Variants in CNTN2 observed in about 807,000 individuals in gnomAD.
CNTN2 encodes the protein contactin 2, also known as contactin-2.
Under a neutral mutation model 117.5 loss-of-function variants are expected in CNTN2, and 53 were observed. The observed-to-expected ratio is 0.45, with a 90% CI of 0.36 to 0.57. CNTN2 has a LOEUF of 0.57. Among genes scored for constraint, CNTN2 ranks in the 20% least tolerant of loss-of-function variants. The pLI is 0.00. For missense variants in CNTN2, 1,106 were observed against 1,404.3 expected (o/e 0.79, Z 3.39); for synonymous variants, 530 against 561.7 (o/e 0.94, Z 0.80).
intron 1 of CNTN2, among the ~76,000 whole-genome samples, 152 bp from the exon 2 acceptor site, chr1:205,052,948 A>T (rs2151185681): frequency 6.6e-6 from 1 of 152,304 alleles, no homozygotes; most frequent in African/African-American, 2.4e-5. Context: ...GTAATAGCCA[A>T]GCCCCTTCCT....
In CNTN2 at chr1:205,073,727, G is replaced by A. The variant is rs139534426; in HGVS notation, c.3085G>A (p.Val1029Met). Residue 1029 changes from valine to methionine, a missense_variant, in exon 23 of 23, where the codon GTG (valine) becomes ATG (methionine). Coordinates refer to ENST00000331830, the MANE Select transcript of CNTN2 (RefSeq NM_005076.5). The surrounding 1 kb of genome is among the most constrained non-coding windows in gnomAD (Gnocchi z 6.3). ...CCCTGGCACCGTCATTTCCCACTCCGTGGCGATGCTGATCCTCATAGGCTC... is the reference window on the plus strand; with the variant it reads ...CCCTGGCACCGTCATTTCCCACTCCATGGCGATGCTGATCCTCATAGGCTC... Reference protein sequence around the residue: ...PHPGTVISHSVAMLILIGSLE... With the variant: ...PHPGTVISHSMAMLILIGSLE... 159 of 1,614,006 alleles carry A rather than the reference G, an allele frequency of 9.9e-5. No homozygotes were observed. In the African/African-American group the frequency reaches 1.7e-3, roughly 17 times the overall value.
rs1050831955 is a variant in CNTN2 at position 205,061,737 on chromosome 1, C to T, written c.974-128C>T. 1.6e-6 allele frequency: 2 copies of T among 1,231,570 alleles called. No homozygotes were observed. Among genetic ancestry groups the T allele is most frequent in the African/African-American group, 1.5e-5 (1 of 65,166 alleles). 76.3% of individuals were successfully genotyped at this position (1,231,570 alleles called of 1,614,324 possible). On this transcript the variant is annotated intron_variant, in intron 8 of 22. Coordinates refer to ENST00000331830, the MANE Select transcript of CNTN2 (RefSeq NM_005076.5). This position sits in a 1 kb window ranked among gnomAD's most constrained non-coding sequence, Gnocchi z 4.8. ...CCGGCCCCCTCCTCTTTGTCCTCTCCATCTCAGAATGCTCATGGCGCCCTC... is the reference window on the plus strand; with the variant it reads ...CCGGCCCCCTCCTCTTTGTCCTCTCTATCTCAGAATGCTCATGGCGCCCTC...
In CNTN2 at chr1:205,076,289, A is replaced by C. The variant is rs746865817; in HGVS notation, c.*2524A>C. The C allele has an allele frequency of 3.3e-5, 5 of 152,228 alleles. No individual in the cohort carries two copies. Among genetic ancestry groups the C allele is most frequent in the Non-Finnish European group, 7.3e-5 (5 of 68,038 alleles). 9.4% of individuals were successfully genotyped at this position (152,228 alleles called of 1,614,324 possible). On this transcript the variant is annotated 3_prime_UTR_variant, in exon 23 of 23. Coordinates refer to ENST00000331830, the MANE Select transcript of CNTN2 (RefSeq NM_005076.5). ...TGAGATTTCAGGTAGAGTACTGACTAAGGTTTAATAAGACAATAGGTGACC... is the reference window on the plus strand; with the variant it reads ...TGAGATTTCAGGTAGAGTACTGACTCAGGTTTAATAAGACAATAGGTGACC...
chr1:205,046,320 A>G (rs1213866672), intron 1 of CNTN2, among the ~76,000 whole-genome samples: 2 of 152,158 alleles, frequency 1.3e-5, no homozygotes, highest in African/African-American at 2.4e-5. Flanking sequence ...CTTTTTACCT[A>G]ATGAGACATT....
Position 205,070,007 on chromosome 1 carries a change from C to T in CNTN2, c.2377C>T (p.Arg793Cys), listed in dbSNP as rs1477916385. 1 of 1,613,814 alleles carries T rather than the reference C, an allele frequency of 6.2e-7. No homozygotes were observed. Among genetic ancestry groups the T allele is most frequent in the East Asian group, 2.2e-5 (1 of 44,880 alleles). ...PFEVKIRSYN[R>C]RGDGPESLTA... The stretch of plus-strand genomic sequence containing the variant: ...TGAGGTCAAGATCCGCAGCTACAAC[C>T]GCCGCGGGGATGGGCCCGAGAGCCT... The change falls in exon 18 of 23, where the codon CGC becomes TGC. Residue 793 changes from arginine (R) to cysteine (C), a missense_variant. Transcript: ENST00000331830.
intron 2 of CNTN2, among the ~76,000 whole-genome samples, chr1:205,055,525 C>G (rs1283626699): frequency 6.6e-6 from 1 of 152,164 alleles, no homozygotes; most frequent in African/African-American, 2.4e-5. Flanking sequence ...GCTCTCATAT[C>G]CCAGCCTCCC....
chr1:205,046,972 A>G (rs1273153738), intron 1 of CNTN2, among the ~76,000 whole-genome samples: 1 of 152,116 alleles, frequency 6.6e-6, no homozygotes, highest in Non-Finnish European at 1.5e-5. Flanking sequence ...CAAAGACTCT[A>G]GGCTCAGATC....
chr1:205,063,406 T>A (rs1020472753), intron 10 of CNTN2: 1 of 152,038 alleles, frequency 6.6e-6, no homozygotes, highest in Middle Eastern at 3.2e-3. Context: ...GGTGAGTGGA[T>A]CTCCTCAAGC....
At position 205,069,573 on chromosome 1, in the gene CNTN2, G is replaced by A; in HGVS notation, c.2196+12G>A. 3 of 1,611,508 alleles carry A rather than the reference G, an allele frequency of 1.9e-6. No individual in the cohort carries two copies. Among genetic ancestry groups the A allele is most frequent in the Non-Finnish European group, 2.5e-6 (3 of 1,179,832 alleles). Reference sequence around the variant, plus strand: ...TCGTCAACTGGACGGTAAGCTGCAAGGGTCAGATGTCCTCCTCCTCCTCCC... The same window carrying A: ...TCGTCAACTGGACGGTAAGCTGCAAAGGTCAGATGTCCTCCTCCTCCTCCC... On this transcript the variant is annotated intron_variant, in intron 17 of 22. Transcript: ENST00000331830.
chr1:205,062,706 T>A, intron 10 of CNTN2, 137 bp downstream of exon 10: 1 of 993,854 alleles, frequency 1.0e-6, no homozygotes, highest in Non-Finnish European at 1.4e-6. Context: ...AGTTTCTAAG[T>A]AGGAGAACTC....
chr1:205,059,339 C>A lies in CNTN2; in HGVS notation c.697+46C>A. On this transcript the variant is annotated intron_variant, in intron 6 of 22. Coordinates refer to ENST00000331830, the MANE Select transcript of CNTN2 (RefSeq NM_005076.5). The surrounding 1 kb of genome is among the most constrained non-coding windows in gnomAD (Gnocchi z 5.6). ...GCTGGAGGGAGGGAACTGGAAGGGTCAGCGGGCATTAGGAAAAGGGTTTTT... is the reference window on the plus strand; with the variant it reads ...GCTGGAGGGAGGGAACTGGAAGGGTAAGCGGGCATTAGGAAAAGGGTTTTT... The A allele has an allele frequency of 1.3e-6, 2 of 1,558,374 alleles. No individual in the cohort carries two copies. Among genetic ancestry groups the A allele is most frequent in the South Asian group, 2.3e-5 (2 of 88,178 alleles).
rs1000054487 is a variant in CNTN2 at position 205,044,461 on chromosome 1, G to C, written c.-87+1067G>C. ...CCTGGGGGTTGAGCCTGTGTCCTGG[G>C]GGGGGGGGTCCAGTGAGGCCAGGAG... On this transcript the variant is annotated intron_variant, in intron 1 of 22. Transcript: ENST00000331830. Among the ~76,000 whole-genome samples, 18 of 151,574 alleles carry C rather than the reference G, an allele frequency of 1.2e-4. 2 individuals are homozygous for C. The highest frequency in any genetic ancestry group is 6.6e-4 in the Admixed American group (10 of 15,246).
intron 16 of CNTN2, 31 bp from the exon 17 acceptor site, chr1:205,069,460 A>T: frequency 6.2e-7 from 1 of 1,610,406 alleles, no homozygotes; most frequent in Non-Finnish European, 8.5e-7. Flanking sequence ...CTCATTAACA[A>T]GCCATATCGG....
intron 20 of CNTN2, 35 bp downstream of exon 20, chr1:205,072,168 T>C: frequency 1.3e-6 from 2 of 1,563,664 alleles, no homozygotes; most frequent in Non-Finnish European, 1.7e-6. Flanking sequence ...GGTAGGGCAA[T>C]ATTTTGGAGG....
At chr1:205,046,637 G>T (rs1235413266) in intron 1 of CNTN2, among the ~76,000 whole-genome samples, 4 of 152,174 alleles carry the variant, frequency 2.6e-5, no homozygotes, top group African/African-American at 9.7e-5. Context: ...TCTAGGAACT[G>T]GGGGGAGCCT....
chr1:205,071,820 G>C lies in CNTN2; in HGVS notation c.2545-127G>C, dbSNP rs575695887. Reference sequence around the variant, plus strand: ...CTGGGTGCTCATGATCTAGTCTCCAGGTTCTGAGGCCTAAGACTGGGTCAC... The same window carrying C: ...CTGGGTGCTCATGATCTAGTCTCCACGTTCTGAGGCCTAAGACTGGGTCAC... On this transcript the variant is annotated intron_variant, in intron 19 of 22. Coordinates refer to ENST00000331830, the MANE Select transcript of CNTN2 (RefSeq NM_005076.5). 1.8e-5 allele frequency: 15 copies of C among 852,776 alleles called. No homozygotes were observed. In the Admixed American group the frequency reaches 4.4e-4, roughly 25 times the overall value. The allele number at this position is 852,776 out of a possible 1,614,324, so 52.8% of individuals were successfully genotyped here. A position where few individuals can be genotyped will look rare whatever the true frequency, so the allele number is the denominator to read the frequency against.
Position 205,062,616 on chromosome 1 carries a change from G to C in CNTN2, c.1240+47G>C, listed in dbSNP as rs2242001. 1.9e-6 allele frequency: 3 copies of C among 1,577,834 alleles called. No individual in the cohort carries two copies. The South Asian group carries it at 3.5e-5, about 18-fold the overall frequency. Reference sequence around the variant, plus strand: ...GGGACATCCCAAGGACATGCATATGGTGGCTTTCAGAGCTCTGAGTTTAGG... The same window carrying C: ...GGGACATCCCAAGGACATGCATATGCTGGCTTTCAGAGCTCTGAGTTTAGG... On this transcript the variant is annotated intron_variant, in intron 10 of 22. Transcript: ENST00000331830.
intron 1 of CNTN2, among the ~76,000 whole-genome samples, chr1:205,051,176 G>A (rs753697597): frequency 6.6e-6 from 1 of 152,206 alleles, no homozygotes; most frequent in Non-Finnish European, 1.5e-5. Flanking sequence ...GATGTGCCAG[G>A]TACTTTGCTA....
intron 1 of CNTN2, among the ~76,000 whole-genome samples, chr1:205,051,556 CAATCGGAAGT>C: frequency 6.6e-6 from 1 of 152,088 alleles, no homozygotes; most frequent in South Asian, 2.1e-4. Flanking sequence ...CCCTGCCTGT[CAATCGGAAGT>C]GGATATGAGG....
Sources: allele counts gnomAD v4.1 joint callset (sites outside exome capture counted in the v4.1 genomes callset), GRCh38; gene constraint gnomAD v4.1.1; non-coding constraint Gnocchi (gnomAD v3.1); transcripts MANE v1.5; gene names NCBI Gene and HGNC (gene_info 2026-07-23, HGNC 2026-07-21).